Variants in DISP1 observed in about 807,000 individuals in gnomAD.
DISP1 encodes the protein dispatched RND transporter family member 1.
Under a neutral mutation model 37.3 loss-of-function variants are expected in DISP1, and 30 were observed. The observed-to-expected ratio is 0.80, with a 90% CI of 0.60 to 1.09. The LOEUF is 1.09. Among genes scored for constraint, DISP1 ranks in the 50% least tolerant of loss-of-function variants. The pLI is 0.00. For synonymous variants in DISP1, 634 were observed against 690.2 expected (o/e 0.92, Z 1.28); for missense variants, 1,598 against 1,879.5 (o/e 0.85, Z 2.77).
chr1:222,861,310 A>C (rs1668868415), intron 1 of DISP1, among the ~76,000 whole-genome samples: 1 of 152,170 alleles, frequency 6.6e-6, no homozygotes, highest in African/African-American at 2.4e-5. Context: ...ACTTTATTGC[A>C]ACCTTCATGA....
At chr1:222,955,126 G>T (rs886303615) in intron 3 of DISP1, among the ~76,000 whole-genome samples, 3 of 149,352 alleles carry the variant, frequency 2.0e-5, no homozygotes, top group African/African-American at 7.4e-5. Flanking sequence ...TCGCTCTGTC[G>T]CCCAGGCTAG....
At chr1:222,854,743 CTTTT>C (rs11389911) in intron 1 of DISP1, among the ~76,000 whole-genome samples, 2 of 142,728 alleles carry the variant, frequency 1.4e-5, no homozygotes, top group South Asian at 4.5e-4. Flanking sequence ...CAGTGTTTTG[CTTTT>C]TTTTTTTTAA....
rs1679769059 is a variant in DISP1, at chr1:223,004,768, C to T, written c.3371C>T (p.Thr1124Ile). Residue 1124 changes from threonine to isoleucine, a missense_variant, in exon 9 of 9, where the codon ACC (threonine) becomes ATC (isoleucine). Transcript: ENST00000675850. This position sits in a 1 kb window ranked among gnomAD's most constrained non-coding sequence, Gnocchi z 4.9. ...LIMCISWAFA[T>I]FFFQCMCRCL... ...ATGTGTATCAGTTGGGCTTTCGCCACCTTCTTTTTCCAGTGCATGTGCCGG... is the reference window on the plus strand; with the variant it reads ...ATGTGTATCAGTTGGGCTTTCGCCATCTTCTTTTTCCAGTGCATGTGCCGG... 6.2e-7 allele frequency: 1 copy of T among 1,613,328 alleles called. No individual in the cohort carries two copies. Among genetic ancestry groups the T allele is most frequent in the African/African-American group, 1.3e-5 (1 of 74,928 alleles).
chr1:222,928,278 C>A (rs1184791089), intron 1 of DISP1, 152 bp from the exon 2 acceptor site: 1 of 152,180 alleles, frequency 6.6e-6, no homozygotes, highest in Non-Finnish European at 1.5e-5. Flanking sequence ...CAGATCAAGC[C>A]CCTCTGTATG....
chr1:222,877,591 A>G (rs1024710696), intron 1 of DISP1, among the ~76,000 whole-genome samples: 24 of 152,224 alleles, frequency 1.6e-4, no homozygotes, highest in African/African-American at 4.8e-4. Context: ...TTAGGATCCA[A>G]AAGTGCCAAG....
At chr1:222,927,052 G>A (rs926248308) in intron 1 of DISP1, among the ~76,000 whole-genome samples, 2 of 151,728 alleles carry the variant, frequency 1.3e-5, no homozygotes, top group African/African-American at 4.8e-5. Flanking sequence ...TACTGGGAGT[G>A]TAGTTGCTGG....
chr1:222,917,067 G>A (rs571137299), intron 1 of DISP1, among the ~76,000 whole-genome samples: 3 of 152,296 alleles, frequency 2.0e-5, no homozygotes, highest in African/African-American at 4.8e-5. Context: ...GATCAATCAA[G>A]CAGCTGACCA....
intron 4 of DISP1, among the ~76,000 whole-genome samples, chr1:222,984,427 T>TAA (rs1678096190): frequency 1.7e-5 from 2 of 114,664 alleles, no homozygotes; most frequent in Non-Finnish European, 1.8e-5. Context: ...AAAAAATATA[T>TAA]ATATATATAG....
At chr1:222,871,603 T>C (rs1047138331) in intron 1 of DISP1, among the ~76,000 whole-genome samples, 7 of 152,250 alleles carry the variant, frequency 4.6e-5, no homozygotes, top group African/African-American at 1.4e-4. Flanking sequence ...GTTATTGGTG[T>C]ATAAGAATGC....
At chr1:222,824,019 T>C (rs1191516689) in intron 1 of DISP1, 1 of 152,112 alleles carries the variant, frequency 6.6e-6, no homozygotes, top group Non-Finnish European at 1.5e-5. Context: ...TGTTTGTTTA[T>C]TTAAATACTC....
intron 2 of DISP1, among the ~76,000 whole-genome samples, chr1:222,934,437 C>T (rs939387582): frequency 2.6e-5 from 4 of 151,992 alleles, no homozygotes; most frequent in Non-Finnish European, 5.9e-5. Context: ...CTGCGTAGCC[C>T]CACTATAGTT....
At chr1:222,871,297 CT>C (rs1669557008) in intron 1 of DISP1, among the ~76,000 whole-genome samples, 1 of 152,068 alleles carries the variant, frequency 6.6e-6, no homozygotes, top group African/African-American at 2.4e-5. Flanking sequence ...TCCATATGAA[CT>C]TTAAAGTAGT....
At chr1:222,979,843 A>G (rs1340652391) in intron 3 of DISP1, 2 of 237,474 alleles carry the variant, frequency 8.4e-6, no homozygotes, top group Non-Finnish European at 1.8e-5. Flanking sequence ...GCATTTGACA[A>G]GTGTGCTTAC....
At chr1:222,964,156 G>A (rs34050420) in intron 3 of DISP1, among the ~76,000 whole-genome samples, 74,349 of 151,760 alleles carry the variant, frequency 0.49, 19,573 homozygotes, top group Non-Finnish European at 0.59. Context: ...AAAATTAGCC[G>A]GGCATGGTGG....
intron 1 of DISP1, among the ~76,000 whole-genome samples, chr1:222,834,413 A>C (rs1666503652): frequency 6.6e-6 from 1 of 152,182 alleles, no homozygotes; most frequent in African/African-American, 2.4e-5. Context: ...ACCTGAAAAG[A>C]AAAATGTTTC....
At chr1:222,983,600 G>C (rs890877272) in intron 4 of DISP1, among the ~76,000 whole-genome samples, 5 of 151,928 alleles carry the variant, frequency 3.3e-5, no homozygotes, top group African/African-American at 1.2e-4. Context: ...CTGGGGGACA[G>C]AGCAAGACTC....
chr1:222,816,072 A>AATATATATATATAT (rs68057775), intron 1 of DISP1, among the ~76,000 whole-genome samples: 3 of 144,120 alleles, frequency 2.1e-5, no homozygotes, highest in Admixed American at 7.0e-5. Flanking sequence ...GCTGTAAGGA[A>AATATATATATATAT]ATATATATAT....
chr1:222,944,041 GAAAC>G (rs1479143032), intron 3 of DISP1, among the ~76,000 whole-genome samples: 1 of 151,784 alleles, frequency 6.6e-6, no homozygotes, highest in Non-Finnish European at 1.5e-5. Flanking sequence ...CAAGAAAAAA[GAAAC>G]AACAACAACA....
intron 1 of DISP1, among the ~76,000 whole-genome samples, chr1:222,852,740 C>G (rs1163789799): frequency 6.6e-6 from 1 of 152,174 alleles, no homozygotes. Context: ...GACCTTGGCT[C>G]TCCTGGGGAA....
Sources: gnomAD v4.1 joint callset for allele counts (sites outside exome capture counted in the v4.1 genomes callset) on GRCh38, gnomAD v4.1.1 for gene constraint, Gnocchi (gnomAD v3.1) non-coding constraint, MANE v1.5 for transcripts, NCBI Gene and HGNC (gene_info 2026-07-23, HGNC 2026-07-21) for gene names.